Variants in ABR observed in about 807,000 individuals in gnomAD.
ABR encodes active breakpoint cluster region-related protein.
ABR carries 35 observed loss-of-function variants against 107.2 expected under a neutral mutation model. That is an observed-to-expected ratio of 0.33 (90% CI 0.25 to 0.43). The LOEUF (loss-of-function observed/expected upper bound fraction) is 0.43. Ranked by LOEUF, ABR falls within the 20% of genes least tolerant of loss-of-function variation. ABR has a pLI of 1.00. For synonymous variants in ABR, 498 were observed against 462.0 expected (o/e 1.08, Z -1.00); for missense variants, 815 against 1,115.2 (o/e 0.73, Z 3.83).
At chr17:1,103,956 C>A (rs2038079505) in intron 2 of ABR, among the ~76,000 whole-genome samples, 1 of 152,172 alleles carries the variant, frequency 6.6e-6, no homozygotes, top group Non-Finnish European at 1.5e-5. Flanking sequence ...TCAGTCTTTG[C>A]AGGGCGTCTC....
chr17:1,112,612 G>GAAGGAAGGAAGGAAGA (rs1567778650), intron 2 of ABR, among the ~76,000 whole-genome samples: 2 of 151,164 alleles, frequency 1.3e-5, no homozygotes, highest in African/African-American at 2.4e-5. Flanking sequence ...AGGGAGGGAG[G>GAAGGAAGGAAGGAAGA]GAGGAAGGAA....
intron 1 of ABR, among the ~76,000 whole-genome samples, chr17:1,177,008 G>C (rs551738542): frequency 6.6e-6 from 1 of 152,066 alleles, no homozygotes; most frequent in Non-Finnish European, 1.5e-5. Context: ...CTCTAACACC[G>C]AGTCATTCCC....
At chr17:1,219,644 A>G (rs376042342) in intron 1 of ABR, among the ~76,000 whole-genome samples, 1 of 141,956 alleles carries the variant, frequency 7.0e-6, no homozygotes, top group African/African-American at 2.7e-5. Context: ...CCAGCTACTC[A>G]GGAGGCTGAG....
At position 1,228,249 on chromosome 17, in the gene ABR, G is replaced by T. The variant is rs373395732; in HGVS notation, c.838+544C>A. On this transcript the variant is annotated intron_variant, in intron 1 of 22. Transcript: ENST00000574139. ...GAGTCCGCAGAGGGGGCTGGTGAGG[G>T]CCGTGGCCCTTCCCTGAAGTTTGCA... 5 of 152,438 alleles carry T rather than the reference G, an allele frequency of 3.3e-5. No individual in the cohort carries two copies. In the East Asian group the frequency reaches 9.7e-4, roughly 29 times the overall value. 9.4% of individuals were successfully genotyped at this position (152,438 alleles called of 1,614,324 possible).
intron 13 of ABR, 71 bp from the exon 14 acceptor site, chr17:1,056,180 G>A (rs998105850): frequency 8.8e-6 from 12 of 1,357,740 alleles, no homozygotes; most frequent in South Asian, 1.2e-5. Context: ...CCAGGCCGGC[G>A]GGAGGCAGAC....
At position 1,012,672 on chromosome 17, in the gene ABR, C is replaced by A; in HGVS notation, c.1961+16G>T. On this transcript the variant is annotated intron_variant, in intron 18 of 22. Coordinates refer to ENST00000302538, the MANE Select transcript of ABR (RefSeq NM_021962.5). ...GGCACCGACGCCAGGACTGGGAGAC[C>A]CGAGGCAGCACCTACTTCGTCACCA... 6.4e-7 allele frequency: 1 copy of A among 1,557,234 alleles called. No homozygotes were observed. The highest frequency in any genetic ancestry group is 8.7e-7 in the Non-Finnish European group (1 of 1,148,324).
chr17:1,129,872 G>A (rs754828803), intron 1 of ABR, among the ~76,000 whole-genome samples: 4 of 152,106 alleles, frequency 2.6e-5, no homozygotes, highest in Non-Finnish European at 4.4e-5. Flanking sequence ...GCTTGAACCC[G>A]GGAGGTGGGG....
intron 11 of ABR, among the ~76,000 whole-genome samples, chr17:1,058,297 G>A (rs1355583093): frequency 2.0e-5 from 3 of 151,994 alleles, no homozygotes; most frequent in African/African-American, 4.8e-5. Context: ...CCACCACCAC[G>A]CCCGGCTAAT....
chr17:1,181,926 T>C (rs555360472), upstream of ABR: 3 of 152,378 alleles, frequency 2.0e-5, no homozygotes, highest in South Asian at 6.2e-4. Context: ...TGTATGCTTC[T>C]GCGTGAGTCA....
rs559880539 is a variant in ABR, at chr17:1,168,337, C to T, written c.61+11330G>A. 5.9e-5 allele frequency among the ~76,000 whole-genome samples: 9 copies of T among 152,202 alleles called. No individual in the cohort carries two copies. In the East Asian group the frequency reaches 1.4e-3, roughly 23 times the overall value. On this transcript the variant is annotated intron_variant, in intron 1 of 22. Transcript: ENST00000302538. Reference sequence around the variant, plus strand: ...TAAGAAAGTGCTAAGCGATGTGAGCCGGAGCAATCAGCATTAGGGACTCTG... The same window carrying T: ...TAAGAAAGTGCTAAGCGATGTGAGCTGGAGCAATCAGCATTAGGGACTCTG...
chr17:1,126,369 T>C (rs1416210122), intron 1 of ABR: 1 of 152,468 alleles, frequency 6.6e-6, no homozygotes, highest in Non-Finnish European at 1.5e-5. Flanking sequence ...CGTGGCAGTG[T>C]TGCTCCCGAG....
chr17:1,077,280 C>T (rs1246462454), intron 6 of ABR, among the ~76,000 whole-genome samples: 1 of 152,174 alleles, frequency 6.6e-6, no homozygotes, highest in East Asian at 1.9e-4. Context: ...TTTCACTCCT[C>T]ATTCCCCACT....
chr17:1,050,051 T>G lies in ABR; in HGVS notation c.1790A>C (p.Gln597Pro). ...VDKIMGKGQI[Q>P]LDPQTVETKN... ...CTCGCCCCGGCGCCCTGGCCTCACC[T>G]GGATCTGTCCTTTGCCCATGATCTT... is the stretch of plus-strand genomic sequence containing the variant. The change falls in exon 16 of 23, where the codon CAG (glutamine) becomes CCG (proline). Residue 597 changes from glutamine (Q) to proline (P), a missense_variant and splice_region_variant. Coordinates refer to ENST00000302538, the MANE Select transcript of ABR (RefSeq NM_021962.5). The surrounding 1 kb of genome is among the most constrained non-coding windows in gnomAD (Gnocchi z 4.6). 6.2e-7 allele frequency: 1 copy of G among 1,613,672 alleles called. No individual in the cohort carries two copies. The highest frequency in any genetic ancestry group is 1.1e-5 in the South Asian group (1 of 91,020).
chr17:1,191,196 G>A (rs573781804), upstream of ABR, among the ~76,000 whole-genome samples: 10 of 152,166 alleles, frequency 6.6e-5, no homozygotes, highest in African/African-American at 2.2e-4. Context: ...TCCGGTTCTC[G>A]GGCCTCGAGT....
intron 16 of ABR, among the ~76,000 whole-genome samples, chr17:1,015,258 A>G (rs1401897103): frequency 6.6e-6 from 1 of 151,548 alleles, no homozygotes; most frequent in Non-Finnish European, 1.5e-5. Context: ...CTCTACTAAA[A>G]ATACAAAAGT....
At chr17:1,218,774 G>T (rs1474365269) in intron 1 of ABR, among the ~76,000 whole-genome samples, 3 of 152,194 alleles carry the variant, frequency 2.0e-5, no homozygotes, top group African/African-American at 4.8e-5. Context: ...AATGCTGTAA[G>T]TGATGAGTAG....
intron 5 of ABR, among the ~76,000 whole-genome samples, 154 bp from the exon 6 acceptor site, chr17:1,079,544 T>G (rs2151233281): frequency 6.6e-6 from 1 of 152,098 alleles, no homozygotes; most frequent in African/African-American, 2.4e-5. Context: ...ATCCCAGCAC[T>G]TTGAGAGGCC....
chr17:1,095,914 TATAG>T (rs373125974), intron 3 of ABR, among the ~76,000 whole-genome samples: 50 of 152,284 alleles, frequency 3.3e-4, no homozygotes, highest in African/African-American at 9.9e-4. Context: ...TCACCTGTTT[TATAG>T]ATAAAGAGCC....
intron 1 of ABR, among the ~76,000 whole-genome samples, chr17:1,199,835 A>C (rs1228194867): frequency 1.3e-5 from 2 of 152,164 alleles, no homozygotes; most frequent in Non-Finnish European, 2.9e-5. Context: ...ACTTTTAGAC[A>C]ATAAAAGAGT....
Sources: gnomAD v4.1 joint callset for allele counts (sites outside exome capture counted in the v4.1 genomes callset) on GRCh38, gnomAD v4.1.1 for gene constraint, Gnocchi (gnomAD v3.1) non-coding constraint, MANE v1.5 for transcripts, NCBI Gene and HGNC (gene_info 2026-07-23, HGNC 2026-07-21) for gene names.